OTOGL: variants seen among roughly 807,000 people sequenced by gnomAD.
OTOGL encodes otogelin like.
OTOGL carries 285 observed loss-of-function variants against 318.5 expected under a neutral mutation model. The observed-to-expected ratio is 0.89, with a 90% confidence interval of 0.81 to 0.99. The LOEUF (loss-of-function observed/expected upper bound fraction) is 0.99. Among genes scored for constraint, OTOGL ranks in the 50% least tolerant of loss-of-function variants. The pLI, the probability that OTOGL is intolerant of heterozygous loss-of-function variation, is 0.00. For synonymous variants in OTOGL, 987 were observed against 936.5 expected, an observed-to-expected ratio of 1.05 and a Z score of -0.99; for missense variants, 2,899 against 2,845.6, an observed-to-expected ratio of 1.02 and a Z score of -0.43.
In OTOGL at chr12:80,251,740, G is replaced by T; in HGVS notation, c.1100G>T (p.Arg367Ile). The change falls in exon 12 of 59, where the codon AGA becomes ATA. Residue 367 changes from arginine to isoleucine, a missense_variant. Physicochemically the swap from Arg to Ile is moderately conservative, Grantham distance 97 (BLOSUM62 -3). Transcript: ENST00000547103. ...TGCCGAGCAGCCACTGAGTATGCTAGAGCCTGCTCTCATGCTGGCTACCCT... is the reference window on the plus strand; with the variant it reads ...TGCCGAGCAGCCACTGAGTATGCTATAGCCTGCTCTCATGCTGGCTACCCT... The part of the protein sequence containing the change: ...TYCRAATEYA[R>I]ACSHAGYPIQ... The T allele has an allele frequency of 6.3e-7, 1 of 1,595,590 alleles. No individual in the cohort carries two copies. The highest frequency in any genetic ancestry group is 2.3e-5 in the East Asian group (1 of 44,422).
chr12:80,294,679 C>T (rs1364252270), intron 26 of OTOGL, among the ~76,000 whole-genome samples: 2 of 152,108 alleles, frequency 1.3e-5, no homozygotes, highest in African/African-American at 2.4e-5. Context: ...ATCCTCTAGA[C>T]ACTATAATAC....
chr12:80,179,703 T>A (rs1874785565), intron 1 of OTOGL, among the ~76,000 whole-genome samples: 1 of 152,204 alleles, frequency 6.6e-6, no homozygotes, highest in African/African-American at 2.4e-5. Flanking sequence ...GGCCAGGGCA[T>A]TCAGTGCTTA....
chr12:80,198,994 G>T (rs1024779839), intron 1 of OTOGL, among the ~76,000 whole-genome samples: 2 of 152,116 alleles, frequency 1.3e-5, no homozygotes, highest in African/African-American at 4.8e-5. Context: ...TAATATGCGT[G>T]TGCATATTTA....
In OTOGL at chr12:80,219,860, T is replaced by G; in HGVS notation, c.282T>G (p.Thr94=). The change falls in exon 6 of 59, where the codon ACT becomes ACG. Residue 94 remains threonine, a synonymous_variant. Transcript: ENST00000547103. ...TTAATGGAGCTTTCTGTTCTAAGACTGGAACATGTGACTGTCAAATATTTC... is the reference window on the plus strand; with the variant it reads ...TTAATGGAGCTTTCTGTTCTAAGACGGGAACATGTGACTGTCAAATATTTC... ...ECLNGAFCSK[T]GTCDCQIFQA... 6.3e-7 allele frequency: 1 copy of G among 1,594,836 alleles called. No homozygotes were observed. Among genetic ancestry groups the G allele is most frequent in the Non-Finnish European group, 8.5e-7 (1 of 1,176,220 alleles).
chr12:80,187,605 A>G (rs1480261328), intron 1 of OTOGL, among the ~76,000 whole-genome samples: 1 of 152,212 alleles, frequency 6.6e-6, no homozygotes, highest in East Asian at 1.9e-4. Flanking sequence ...CTAAGTATAA[A>G]GACAATGAAT....
chr12:80,154,455 G>C (rs1044037277), intron 1 of OTOGL, among the ~76,000 whole-genome samples: 1 of 151,938 alleles, frequency 6.6e-6, no homozygotes, highest in Non-Finnish European at 1.5e-5. Context: ...AAATAAGGCA[G>C]CTGCACAATC....
Position 80,358,262 on chromosome 12 carries a change from A to C in OTOGL, c.6034A>C (p.Thr2012Pro). 2.5e-6 allele frequency: 4 copies of C among 1,611,048 alleles called. No homozygotes were observed. Among genetic ancestry groups the C allele is most frequent in the Non-Finnish European group, 3.4e-6 (4 of 1,178,046 alleles). The stretch of plus-strand genomic sequence containing the variant: ...TTTTACCTTAGTTTGTGAATCTTGC[A>C]CCAAACCTGTTCCACTATGTCATGA... ...FSPFCVCESC[T>P]KPVPLCHDGE... Residue 2012 changes from threonine to proline, a missense_variant, in exon 50 of 59, where the codon ACC becomes CCC. By Grantham distance (38) the Thr-to-Pro change is conservative. This residue lies in a region of OTOGL where 2,607 missense variants were observed against 2,524.9 expected (regional missense o/e 1.03). Coordinates refer to ENST00000547103, the MANE Select transcript of OTOGL (RefSeq NM_001378609.3).
At chr12:80,224,450 A>G (rs990396882) in intron 7 of OTOGL, among the ~76,000 whole-genome samples, 3 of 152,296 alleles carry the variant, frequency 2.0e-5, no homozygotes, top group African/African-American at 7.2e-5. Flanking sequence ...AGTTCTGTGA[A>G]GAATGATGGT....
chr12:80,202,452 T>C (rs368909212), intron 1 of OTOGL, among the ~76,000 whole-genome samples: 2 of 152,050 alleles, frequency 1.3e-5, no homozygotes, highest in East Asian at 3.9e-4. Context: ...TTTGTATTTT[T>C]AGTAGAGACT....
intron 1 of OTOGL, among the ~76,000 whole-genome samples, chr12:80,169,850 C>T (rs1474724042): frequency 2.6e-5 from 4 of 152,134 alleles, no homozygotes; most frequent in African/African-American, 9.7e-5. Context: ...ATAGTTCATT[C>T]CTTGTAATTG....
At chr12:80,338,874 A>G (rs1388989946) in intron 42 of OTOGL, among the ~76,000 whole-genome samples, 3 of 152,062 alleles carry the variant, frequency 2.0e-5, no homozygotes, top group African/African-American at 7.2e-5. Flanking sequence ...GTTAGAACAC[A>G]TATTGACTAG....
intron 1 of OTOGL, among the ~76,000 whole-genome samples, chr12:80,199,941 C>T (rs1205281930): frequency 6.6e-6 from 1 of 152,162 alleles, no homozygotes; most frequent in African/African-American, 2.4e-5. Context: ...ATCATCTGAA[C>T]TTTTCCTCCC....
chr12:80,128,244 G>A (rs1870985797), intron 1 of OTOGL, among the ~76,000 whole-genome samples: 1 of 152,178 alleles, frequency 6.6e-6, no homozygotes, highest in South Asian at 2.1e-4. Context: ...CTGTTTGTTA[G>A]TTTTCCTTCT....
intron 1 of OTOGL, among the ~76,000 whole-genome samples, chr12:80,176,042 T>C (rs1874502743): frequency 6.6e-6 from 1 of 152,206 alleles, no homozygotes; most frequent in Non-Finnish European, 1.5e-5. Flanking sequence ...CAGCTATGGA[T>C]GGCTAGCAAA....
chr12:80,270,962 G>T (rs1264735101), intron 23 of OTOGL, among the ~76,000 whole-genome samples: 1 of 152,068 alleles, frequency 6.6e-6, no homozygotes, highest in African/African-American at 2.4e-5. Flanking sequence ...GAATGGCCTG[G>T]TATATATTAT....
chr12:80,116,237 G>C (rs948199817), intron 1 of OTOGL, among the ~76,000 whole-genome samples: 2 of 152,118 alleles, frequency 1.3e-5, no homozygotes, highest in Admixed American at 1.3e-4. Flanking sequence ...GAGAGGTGTA[G>C]TATCTGGGCC....
chr12:80,144,140 T>G (rs898521197), intron 1 of OTOGL, among the ~76,000 whole-genome samples: 2 of 152,072 alleles, frequency 1.3e-5, no homozygotes, highest in African/African-American at 4.8e-5. Flanking sequence ...TGTGCCACGC[T>G]GGTGCGCTGC....
Position 80,314,292 on chromosome 12 carries a change from T to C in OTOGL, c.3608-13T>C. The C allele has an allele frequency of 9.9e-7, 1 of 1,005,550 alleles. No individual in the cohort carries two copies. Among genetic ancestry groups the C allele is most frequent in the Non-Finnish European group, 1.3e-6 (1 of 754,586 alleles). The allele number at this position is 1,005,550 out of a possible 1,614,324, so 62.3% of individuals were successfully genotyped here. A position where few individuals can be genotyped will look rare whatever the true frequency, so the allele number is the denominator to read the frequency against. Reference sequence around the variant, plus strand: ...TCTTACATAGTTTAATATTTATTCTTTTTTTCTTTTAGCACTTGATTGTGA... The same window carrying C: ...TCTTACATAGTTTAATATTTATTCTCTTTTTCTTTTAGCACTTGATTGTGA... On this transcript the variant is annotated splice_polypyrimidine_tract_variant and intron_variant, in intron 31 of 58. Coordinates refer to ENST00000547103, the MANE Select transcript of OTOGL (RefSeq NM_001378609.3).
intron 24 of OTOGL, among the ~76,000 whole-genome samples, chr12:80,273,975 T>C (rs894948199): frequency 6.6e-6 from 1 of 152,068 alleles, no homozygotes; most frequent in African/African-American, 2.4e-5. Context: ...TGATGAATGT[T>C]GTGTGTGTTC....
Sources: gnomAD v4.1 joint callset for allele counts (sites outside exome capture counted in the v4.1 genomes callset) on GRCh38, gnomAD v4.1.1 for gene constraint, gnomAD v4.1.1 regional missense constraint, MANE v1.5 for transcripts, NCBI Gene and HGNC (gene_info 2026-07-23, HGNC 2026-07-21) for gene names.